The following ANXA3 variants were observed in gnomAD, a reference collection of about 807,000 sequenced individuals.
ANXA3 encodes 35-alpha calcimedin.
In ANXA3, 46 loss-of-function variants were observed where a neutral mutation model predicts 48.8. The ratio of observed to expected loss-of-function variants is 0.94; its 90% CI spans 0.74 to 1.21. The LOEUF (loss-of-function observed/expected upper bound fraction) is 1.21, where lower values mean the gene tolerates loss of function less well. Ranked by LOEUF, ANXA3 falls within the 50% of genes most tolerant of loss-of-function variation. The pLI, the probability that ANXA3 is intolerant of heterozygous loss-of-function variation, is 0.00. For missense variants in ANXA3, 383 were observed against 378.6 expected, an observed-to-expected ratio of 1.01 and a Z score of -0.10; for synonymous variants, 128 against 134.7, an observed-to-expected ratio of 0.95 and a Z score of 0.35.
At chr4:78,574,927 T>A (rs556462192) in intron 3 of ANXA3, among the ~76,000 whole-genome samples, 1 of 152,362 alleles carries the variant, frequency 6.6e-6, no homozygotes, top group African/African-American at 2.4e-5. Context: ...CAACTAGAAA[T>A]TTTGCCATAC....
chr4:78,552,446 C>T (rs1041410407), intron 1 of ANXA3: 1 of 152,100 alleles, frequency 6.6e-6, no homozygotes, highest in Non-Finnish European at 1.5e-5. Flanking sequence ...GTTGGAAGTT[C>T]AAGAAGTTTG....
intron 10 of ANXA3, among the ~76,000 whole-genome samples, chr4:78,601,146 T>C (rs912740699): frequency 6.6e-6 from 1 of 152,210 alleles, no homozygotes; most frequent in South Asian, 2.1e-4. Flanking sequence ...TGTTCATCAG[T>C]AGCCCGAGAT....
chr4:78,555,210 A>C (rs1402593434), intron 2 of ANXA3, among the ~76,000 whole-genome samples: 2 of 152,240 alleles, frequency 1.3e-5, no homozygotes, highest in African/African-American at 4.8e-5. Flanking sequence ...GTCTCAAAAA[A>C]ATAGAAAAAG....
At chr4:78,580,257 G>A (rs905792247) in intron 4 of ANXA3, among the ~76,000 whole-genome samples, 1 of 152,198 alleles carries the variant, frequency 6.6e-6, no homozygotes, top group Admixed American at 6.5e-5. Flanking sequence ...TCCCCACTAA[G>A]CCTAAACAAT....
intron 7 of ANXA3, 48 bp downstream of exon 7, chr4:78,591,671 C>A: frequency 7.5e-7 from 1 of 1,337,522 alleles, no homozygotes; most frequent in South Asian, 1.2e-5. Context: ...GCTGCATGCT[C>A]AATAACAATT....
intron 7 of ANXA3, among the ~76,000 whole-genome samples, chr4:78,594,877 T>C (rs551828875): frequency 3.3e-5 from 5 of 152,226 alleles, no homozygotes; most frequent in Non-Finnish European, 7.3e-5. Flanking sequence ...CCCACACTTG[T>C]ATTCCCAGAG....
intron 6 of ANXA3, among the ~76,000 whole-genome samples, chr4:78,590,197 TA>T (rs1723259835): frequency 6.6e-6 from 1 of 152,194 alleles, no homozygotes; most frequent in South Asian, 2.1e-4. Context: ...TTTTCAAATT[TA>T]AAGTTTTTTA....
chr4:78,558,429 TTC>T (rs971661445), intron 2 of ANXA3, among the ~76,000 whole-genome samples: 4 of 152,246 alleles, frequency 2.6e-5, no homozygotes, highest in Non-Finnish European at 5.9e-5. Context: ...TGTTCTTTTT[TTC>T]TCTCTGCCAC....
chr4:78,583,920 T>C (rs190431114), intron 5 of ANXA3, among the ~76,000 whole-genome samples: 1 of 152,338 alleles, frequency 6.6e-6, no homozygotes, highest in African/African-American at 2.4e-5. Flanking sequence ...CCTAGATTAG[T>C]GTTTGATTGA....
At chr4:78,604,128 A>G (rs1723600002) in intron 11 of ANXA3, 149 bp from the exon 12 acceptor site, 1 of 709,006 alleles carries the variant, frequency 1.4e-6, no homozygotes, top group Admixed American at 3.1e-5. Flanking sequence ...TATTTCTTGA[A>G]TAATGAATGA....
At chr4:78,581,508 A>G (rs952417903) in intron 4 of ANXA3, among the ~76,000 whole-genome samples, 1 of 152,204 alleles carries the variant, frequency 6.6e-6, no homozygotes, top group African/African-American at 2.4e-5. Context: ...TCCTAAAACA[A>G]AAAAATGTTA....
intron 4 of ANXA3, 145 bp downstream of exon 4, chr4:78,579,266 G>C (rs1219895254): frequency 1.8e-5 from 10 of 545,486 alleles, no homozygotes; most frequent in Non-Finnish European, 3.0e-5. Context: ...TGGAATCTGA[G>C]TCGTGGTTTT....
At chr4:78,590,803 CAG>C (rs2109942336) in intron 6 of ANXA3, among the ~76,000 whole-genome samples, 2 of 143,822 alleles carry the variant, frequency 1.4e-5, no homozygotes, top group East Asian at 3.9e-4. Flanking sequence ...TTCGATAAAA[CAG>C]AAAAATTACA....
At chr4:78,584,069 C>A (rs1386905043) in intron 5 of ANXA3, among the ~76,000 whole-genome samples, 1 of 152,180 alleles carries the variant, frequency 6.6e-6, no homozygotes, top group African/African-American at 2.4e-5. Flanking sequence ...GTTTTGAGAT[C>A]TTTATACATG....
At chr4:78,559,492 C>T (rs1722584031) in intron 2 of ANXA3, among the ~76,000 whole-genome samples, 1 of 152,086 alleles carries the variant, frequency 6.6e-6, no homozygotes, top group Admixed American at 6.5e-5. Context: ...CTCTAATTTA[C>T]AAAATGAGGA....
At chr4:78,606,822 C>T (rs1723659684) in intron 12 of ANXA3, among the ~76,000 whole-genome samples, 3 of 152,170 alleles carry the variant, frequency 2.0e-5, no homozygotes, top group Admixed American at 1.3e-4. Flanking sequence ...AAGTTGAAAT[C>T]AGGAACTTAC....
intron 4 of ANXA3, 85 bp downstream of exon 4, chr4:78,579,206 G>C: frequency 1.1e-6 from 1 of 875,096 alleles, no homozygotes; most frequent in Non-Finnish European, 1.8e-6. Context: ...ACAGTCTTCT[G>C]TTTCAGGCTG....
At position 78,595,459 on chromosome 4, in the gene ANXA3, C is replaced by T. The variant is rs368207621; in HGVS notation, c.540+22C>T. The T allele has an allele frequency of 1.7e-5, 28 of 1,612,114 alleles. No homozygotes were observed. In the East Asian group the frequency reaches 3.1e-4, roughly 18 times the overall value. ...CCAGGTCAGTAACAAAGCGGGAAAA[C>T]ATTTCCTTTACCTATTCTCCTATGT... is the stretch of plus-strand genomic sequence containing the variant. On this transcript the variant is annotated intron_variant, in intron 8 of 12. Coordinates refer to ENST00000264908, the MANE Select transcript of ANXA3 (RefSeq NM_005139.3).
chr4:78,564,211 C>T (rs1300240291), intron 2 of ANXA3, among the ~76,000 whole-genome samples: 1 of 152,170 alleles, frequency 6.6e-6, no homozygotes, highest in Non-Finnish European at 1.5e-5. Flanking sequence ...AAACCCTGAG[C>T]GCTTGGAGAG....
Sources: allele counts gnomAD v4.1 joint callset (sites outside exome capture counted in the v4.1 genomes callset), GRCh38; gene constraint gnomAD v4.1.1; transcripts MANE v1.5; gene names NCBI Gene and HGNC (gene_info 2026-07-23, HGNC 2026-07-21).